CDYL2: variants seen among roughly 807,000 people sequenced by gnomAD.
CDYL2 encodes chromodomain Y-like protein 2.
Under a neutral mutation model 49.4 loss-of-function variants are expected in CDYL2, and 23 were observed. The ratio of observed to expected loss-of-function variants is 0.47; its 90% CI spans 0.34 to 0.66. The LOEUF (loss-of-function observed/expected upper bound fraction) is 0.66, where lower values mean the gene tolerates loss of function less well. CDYL2 is among the 30% of genes least tolerant of loss of function. The probability of loss-of-function intolerance (pLI) is 0.01; values close to 1 mark genes in which losing one functional copy is unlikely to be tolerated. For missense variants in CDYL2, 678 were observed against 656.4 expected, an observed-to-expected ratio of 1.03 and a Z score of -0.36; for synonymous variants, 360 against 268.8, an observed-to-expected ratio of 1.34 and a Z score of -3.32.
At chr16:80,678,524 C>A (rs1313532504) in intron 2 of CDYL2, among the ~76,000 whole-genome samples, 1 of 152,120 alleles carries the variant, frequency 6.6e-6, no homozygotes, top group Non-Finnish European at 1.5e-5. Context: ...CTCACCACCA[C>A]TGGCCATCAG....
intron 1 of CDYL2, among the ~76,000 whole-genome samples, chr16:80,746,045 C>T (rs774777785): frequency 1.4e-4 from 21 of 152,156 alleles, no homozygotes; most frequent in Non-Finnish European, 2.8e-4. Context: ...ACACACAGGT[C>T]CTTGGAATGT....
intron 1 of CDYL2, among the ~76,000 whole-genome samples, chr16:80,690,452 C>G (rs1910370994): frequency 6.6e-6 from 1 of 152,126 alleles, no homozygotes; most frequent in Non-Finnish European, 1.5e-5. Flanking sequence ...GTACTTGATC[C>G]CTATACATTA....
intron 3 of CDYL2, among the ~76,000 whole-genome samples, chr16:80,621,783 G>C (rs1362309562): frequency 6.6e-6 from 1 of 152,114 alleles, no homozygotes; most frequent in South Asian, 2.1e-4. Context: ...CTCCTGCTTG[G>C]GTCTCCTGCA....
chr16:80,774,713 G>C (rs1407124196), intron 1 of CDYL2, among the ~76,000 whole-genome samples: 1 of 152,012 alleles, frequency 6.6e-6, no homozygotes, highest in Non-Finnish European at 1.5e-5. Context: ...TGTAGCAGGA[G>C]GATATTATTT....
chr16:80,711,380 C>T (rs985874397), intron 1 of CDYL2, among the ~76,000 whole-genome samples: 2 of 152,192 alleles, frequency 1.3e-5, no homozygotes, highest in African/African-American at 4.8e-5. Context: ...ACGTTGACAG[C>T]TTGTGGAGGG....
At chr16:80,749,131 G>T (rs1055518210) in intron 1 of CDYL2, among the ~76,000 whole-genome samples, 2 of 148,380 alleles carry the variant, frequency 1.3e-5, no homozygotes, top group African/African-American at 4.9e-5. Context: ...AATGATTATG[G>T]GAGATTGTTG....
intron 2 of CDYL2, among the ~76,000 whole-genome samples, chr16:80,643,519 G>T (rs578077136): frequency 1.3e-5 from 2 of 152,244 alleles, no homozygotes; most frequent in African/African-American, 4.8e-5. Flanking sequence ...CCTTCTGCAC[G>T]CCTTAGCAGA....
rs149717863 is a variant in CDYL2, at chr16:80,602,728, G to C, written c.*1660C>G. The C allele has an allele frequency of 1.4e-4, 21 of 152,354 alleles. No individual in the cohort carries two copies. The highest frequency in any genetic ancestry group is 6.8e-3 in the Middle Eastern group (2 of 296). 9.4% of individuals were successfully genotyped at this position (152,354 alleles called of 1,614,324 possible). A position where few individuals can be genotyped will look rare whatever the true frequency, so the allele number is the denominator to read the frequency against. ...GCCAAGAAAGGCTGGTGCCCAACAG[G>C]AAAGGGGAAGAAGGGGAGGGCCAAG... On this transcript the variant is annotated 3_prime_UTR_variant, in exon 7 of 7. Transcript: ENST00000570137.
chr16:80,607,736 C>T (rs1455692524), intron 6 of CDYL2, among the ~76,000 whole-genome samples: 1 of 152,164 alleles, frequency 6.6e-6, no homozygotes, highest in African/African-American at 2.4e-5. Flanking sequence ...CGGATGGGTT[C>T]AATACTTTTT....
intron 3 of CDYL2, among the ~76,000 whole-genome samples, chr16:80,628,764 A>C (rs948951617): frequency 1.3e-5 from 2 of 152,258 alleles, no homozygotes; most frequent in Non-Finnish European, 1.5e-5. Flanking sequence ...ACCCTTTCAC[A>C]TAAAAGAATT....
chr16:80,633,145 G>A lies in CDYL2; in HGVS notation c.708C>T (p.Leu236=). 1 of 1,614,204 alleles carries A rather than the reference G, an allele frequency of 6.2e-7. No homozygotes were observed. Among genetic ancestry groups the A allele is most frequent in the African/African-American group, 1.3e-5 (1 of 75,050 alleles). The change falls in exon 3 of 7, where the codon CTC becomes CTT. Residue 236 remains leucine (L), a synonymous_variant. Transcript: ENST00000570137. ...TTTCATTCTGGCGGACACTGTATCT[G>A]AGCCTTTTGTCAAAGACGTAGTCCT... ...AEKDYVFDKR[L]RYSVRQNESN... is the part of the protein sequence containing the mutation.
chr16:80,732,909 C>G (rs1264972648), intron 1 of CDYL2, among the ~76,000 whole-genome samples: 1 of 152,072 alleles, frequency 6.6e-6, no homozygotes, highest in Non-Finnish European at 1.5e-5. Context: ...TACACACACA[C>G]ATAAACACAC....
At chr16:80,729,881 T>A (rs1161710468) in intron 1 of CDYL2, among the ~76,000 whole-genome samples, 2 of 151,928 alleles carry the variant, frequency 1.3e-5, no homozygotes, top group African/African-American at 4.8e-5. Flanking sequence ...AAGGCAGAAA[T>A]AAAGATGTTC....
intron 1 of CDYL2, among the ~76,000 whole-genome samples, chr16:80,701,321 A>G (rs60242554): frequency 0.018 from 2,695 of 152,304 alleles, 87 homozygotes; most frequent in African/African-American, 0.061. Flanking sequence ...ATTATTAACA[A>G]TGGTTTTCTC....
Position 80,613,697 on chromosome 16 carries a change from T to C in CDYL2, c.1008-861A>G, listed in dbSNP as rs114605749. ...TATTTCCTTTGCCTCAGAAGGCTTT[T>C]TGCCTTTTCCTAGTTGCTATGTATG... is the stretch of plus-strand genomic sequence containing the variant. On this transcript the variant is annotated intron_variant, in intron 4 of 6. Coordinates refer to ENST00000570137, the MANE Select transcript of CDYL2 (RefSeq NM_152342.4). Among the ~76,000 whole-genome samples the C allele has an allele frequency of 3.0e-3, 454 of 152,372 alleles. 6 individuals carry two copies. The highest frequency in any genetic ancestry group is 0.011 in the African/African-American group (437 of 41,582).
Position 80,599,387 on chromosome 16 carries a change from T to C in CDYL2, c.*5001A>G, listed in dbSNP as rs1031968861. On this transcript the variant is annotated 3_prime_UTR_variant, in exon 7 of 7. Transcript: ENST00000570137. Reference sequence around the variant, plus strand: ...ATTTCTTTTTAAGTCTAAATTCTAGTTGGTTTTATTAAACCCCAAAAACAG... The same window carrying C: ...ATTTCTTTTTAAGTCTAAATTCTAGCTGGTTTTATTAAACCCCAAAAACAG... The C allele has an allele frequency of 2.6e-5, 4 of 152,258 alleles. No homozygotes were observed. The highest frequency in any genetic ancestry group is 6.5e-5 in the Admixed American group (1 of 15,288). 9.4% of individuals were successfully genotyped at this position (152,258 alleles called of 1,614,324 possible).
In CDYL2 at chr16:80,612,846, AAAG is replaced by A. The variant is rs1304648445; in HGVS notation, c.1008-13_1008-11del. 6.3e-7 allele frequency: 1 copy of A among 1,599,572 alleles called. No homozygotes were observed. Among genetic ancestry groups the A allele is most frequent in the Non-Finnish European group, 8.5e-7 (1 of 1,172,082 alleles). Reference sequence around the variant, plus strand: ...GGCCTTCACAAAGTCCCTGGGAGAGAAAGAAGATCCTCTTGAACAGGTGACTAT... The same window carrying A: ...GGCCTTCACAAAGTCCCTGGGAGAGAAAGATCCTCTTGAACAGGTGACTAT... On this transcript the variant is annotated splice_polypyrimidine_tract_variant and intron_variant, in intron 4 of 6. Coordinates refer to ENST00000570137, the MANE Select transcript of CDYL2 (RefSeq NM_152342.4). The surrounding 1 kb of genome is among the most constrained non-coding windows in gnomAD (Gnocchi z 5.0).
intron 1 of CDYL2, among the ~76,000 whole-genome samples, chr16:80,734,686 G>A (rs1480492158): frequency 6.6e-6 from 1 of 152,142 alleles, no homozygotes. Context: ...AAGACACCAT[G>A]TTGGGCCCTG....
intron 1 of CDYL2, among the ~76,000 whole-genome samples, chr16:80,790,937 C>G (rs1907590090): frequency 6.6e-6 from 1 of 152,248 alleles, no homozygotes; most frequent in Non-Finnish European, 1.5e-5. Flanking sequence ...GTCCAACACA[C>G]TTAGATTTCA....
Sources: gnomAD v4.1 joint callset for allele counts (sites outside exome capture counted in the v4.1 genomes callset) on GRCh38, gnomAD v4.1.1 for gene constraint, Gnocchi (gnomAD v3.1) non-coding constraint, MANE v1.5 for transcripts, NCBI Gene and HGNC (gene_info 2026-07-23, HGNC 2026-07-21) for gene names.